Variants in SCRG1 observed in about 807,000 individuals in gnomAD.
SCRG1 encodes the protein stimulator of chondrogenesis 1.
SCRG1 carries 3 observed loss-of-function variants against 7.7 expected under a neutral mutation model. That is an observed-to-expected ratio of 0.39 (90% CI 0.18 to 1.01). The LOEUF (loss-of-function observed/expected upper bound fraction) is 1.01. SCRG1 is among the 50% of genes least tolerant of loss of function. SCRG1 has a pLI of 0.36. For missense variants in SCRG1, 110 were observed against 117.2 expected, an observed-to-expected ratio of 0.94 and a Z score of 0.28; for synonymous variants, 46 against 41.2, an observed-to-expected ratio of 1.12 and a Z score of -0.44.
upstream of SCRG1, among the ~76,000 whole-genome samples, chr4:173,408,301 T>C (rs1739963956): frequency 6.6e-6 from 1 of 152,202 alleles, no homozygotes; most frequent in African/African-American, 2.4e-5. Flanking sequence ...TTCTATCAAA[T>C]GACAATTTGA....
the SCRG1 span, among the ~76,000 whole-genome samples, chr4:173,431,012 G>A: frequency 8.0e-3 from 1,215 of 152,218 alleles, 30 homozygotes; most frequent in African/African-American, 0.027. Flanking sequence ...AAACTACCTA[G>A]TGGGTACAAT....
the SCRG1 span, among the ~76,000 whole-genome samples, chr4:173,448,716 CTCT>C: frequency 6.6e-6 from 1 of 152,190 alleles, no homozygotes; most frequent in Non-Finnish European, 1.5e-5. Context: ...TTACTTAACT[CTCT>C]TAATTGGATG....
chr4:173,482,591 G>C, the SCRG1 span, among the ~76,000 whole-genome samples: 2 of 152,044 alleles, frequency 1.3e-5, no homozygotes, highest in Admixed American at 6.6e-5. Flanking sequence ...ACTAAGGCTG[G>C]AGGACCACTT....
the SCRG1 span, among the ~76,000 whole-genome samples, chr4:173,456,625 G>C: frequency 6.6e-6 from 1 of 152,114 alleles, no homozygotes; most frequent in African/African-American, 2.4e-5. Flanking sequence ...AACATCTCCT[G>C]TTGAAAATCA....
chr4:173,460,576 A>G, the SCRG1 span, among the ~76,000 whole-genome samples: 7 of 152,250 alleles, frequency 4.6e-5, no homozygotes, highest in East Asian at 1.4e-3. Flanking sequence ...CCAGAAGGGA[A>G]CCCCGTGCCC....
chr4:173,425,723 C>A, the SCRG1 span, among the ~76,000 whole-genome samples: 1 of 152,234 alleles, frequency 6.6e-6, no homozygotes, highest in Non-Finnish European at 1.5e-5. Context: ...AGGAGCCTTG[C>A]CAGTGCCAAT....
At chr4:173,415,155 C>T in the SCRG1 span, among the ~76,000 whole-genome samples, 3 of 152,194 alleles carry the variant, frequency 2.0e-5, no homozygotes, top group Non-Finnish European at 2.9e-5. Flanking sequence ...TGAATAGTCT[C>T]TCAAAATAGT....
the SCRG1 span, among the ~76,000 whole-genome samples, chr4:173,481,512 G>C: frequency 1.3e-4 from 20 of 152,048 alleles, no homozygotes; most frequent in African/African-American, 4.6e-4. Context: ...GAACTGCGAG[G>C]GTCCGCTTAT....
intron 1 of SCRG1, among the ~76,000 whole-genome samples, chr4:173,393,494 C>T (rs1739509377): frequency 6.6e-6 from 1 of 152,148 alleles, no homozygotes. Flanking sequence ...TAAATGATAT[C>T]TTCCAATGGG....
chr4:173,430,797 A>T, the SCRG1 span, among the ~76,000 whole-genome samples: 4 of 110,330 alleles, frequency 3.6e-5, no homozygotes, highest in African/African-American at 1.4e-4. Flanking sequence ...ACAGAGTGAG[A>T]CCCTGTCTCA....
chr4:173,480,741 G>A, the SCRG1 span, among the ~76,000 whole-genome samples: 1 of 151,964 alleles, frequency 6.6e-6, no homozygotes, highest in African/African-American at 2.4e-5. Flanking sequence ...ATTGGTATTT[G>A]GTTATGTTAA....
At chr4:173,507,504 C>T in the SCRG1 span, among the ~76,000 whole-genome samples, 1 of 152,214 alleles carries the variant, frequency 6.6e-6, no homozygotes, top group East Asian at 1.9e-4. The surrounding 1 kb of genome is among the most constrained non-coding windows in gnomAD (Gnocchi z 4.4). Flanking sequence ...GCCTCCCGGC[C>T]TGGCCCTGTT....
the SCRG1 span, among the ~76,000 whole-genome samples, chr4:173,484,219 T>C: frequency 9.3e-4 from 85 of 91,244 alleles, no homozygotes; most frequent in African/African-American, 3.7e-3. Context: ...TTTTCTATAT[T>C]ATATATAATA....
chr4:173,486,660 C>T, the SCRG1 span, among the ~76,000 whole-genome samples: 1 of 152,124 alleles, frequency 6.6e-6, no homozygotes, highest in African/African-American at 2.4e-5. Flanking sequence ...TCTTCTTCTT[C>T]TTTTCCTTCC....
chr4:173,419,595 C>A, the SCRG1 span: 1 of 725,364 alleles, frequency 1.4e-6, no homozygotes, highest in South Asian at 1.4e-5. Context: ...GAATCATAAC[C>A]AAGGATTCAT....
the SCRG1 span, among the ~76,000 whole-genome samples, chr4:173,513,500 G>A: frequency 3.3e-5 from 5 of 152,244 alleles, no homozygotes; most frequent in African/African-American, 4.8e-5. Flanking sequence ...GTAAGAGGAT[G>A]TATGTGAAGG....
chr4:173,451,149 A>G, the SCRG1 span, among the ~76,000 whole-genome samples: 4 of 151,820 alleles, frequency 2.6e-5, no homozygotes, highest in Non-Finnish European at 4.4e-5. Context: ...TCAGGCAGAG[A>G]TTCCTTAAGA....
the SCRG1 span, chr4:173,419,504 A>G: frequency 7.9e-6 from 6 of 757,804 alleles, no homozygotes; most frequent in Admixed American, 5.6e-5. Flanking sequence ...ATCTTCTTCT[A>G]TTAAGTAGCG....
chr4:173,463,208 C>A, the SCRG1 span, among the ~76,000 whole-genome samples: 1 of 152,126 alleles, frequency 6.6e-6, no homozygotes, highest in South Asian at 2.1e-4. Flanking sequence ...GGTTGAAGAC[C>A]CTTCCTGGAT....
Sources: gnomAD v4.1 joint callset for allele counts (sites outside exome capture counted in the v4.1 genomes callset) on GRCh38, gnomAD v4.1.1 for gene constraint, Gnocchi (gnomAD v3.1) non-coding constraint, MANE v1.5 for transcripts, NCBI Gene and HGNC (gene_info 2026-07-23, HGNC 2026-07-21) for gene names.